MGST1: variants seen among roughly 807,000 people sequenced by gnomAD.
MGST1 encodes the protein glutathione S-transferase 12.
MGST1 carries 5 observed loss-of-function variants against 8.9 expected under a neutral mutation model. That is an observed-to-expected ratio of 0.56 (90% CI 0.29 to 1.19). MGST1 has a LOEUF of 1.19. MGST1 is among the 50% of genes most tolerant of loss of function. The probability of loss-of-function intolerance (pLI) is 0.08; values close to 1 mark genes in which losing one functional copy is unlikely to be tolerated. For synonymous variants in MGST1, 54 were observed against 67.8 expected, an observed-to-expected ratio of 0.80 and a Z score of 1.00; for missense variants, 182 against 187.4, an observed-to-expected ratio of 0.97 and a Z score of 0.17.
At chr12:16,494,710 G>T (rs1305008325) in intron 4 of MGST1, among the ~76,000 whole-genome samples, 1 of 152,096 alleles carries the variant, frequency 6.6e-6, no homozygotes, top group Non-Finnish European at 1.5e-5. Flanking sequence ...TTGCAGAGAG[G>T]CTTCTTTTCC....
rs1465473083 is a variant in MGST1 at position 16,560,551 on chromosome 12, A to AC, written n.483-28976dup. ...TACACCAAAGAGCCTAGAATAAGAA[A>AC]CATTTTTTTTTTTTTACAAACTCTT... On this transcript the variant is annotated intron_variant and non_coding_transcript_variant, in intron 4 of 4. Transcript: ENST00000538857. This position sits in a 1 kb window ranked among gnomAD's most constrained non-coding sequence, Gnocchi z 5.0. The AC allele has an allele frequency of 6.4e-7, 1 of 1,571,910 alleles. No individual in the cohort carries two copies. The highest frequency in any genetic ancestry group is 1.9e-5 in the Admixed American group (1 of 53,522).
chr12:16,553,890 A>G (rs1233456987), intron 4 of MGST1, among the ~76,000 whole-genome samples: 3 of 151,926 alleles, frequency 2.0e-5, no homozygotes, highest in Non-Finnish European at 2.9e-5. Flanking sequence ...AAGCATTATG[A>G]AAGGAGTGAT....
chr12:16,424,134 CA>C (rs1306172792), intron 1 of MGST1, among the ~76,000 whole-genome samples: 1 of 152,146 alleles, frequency 6.6e-6, no homozygotes, highest in Non-Finnish European at 1.5e-5. Context: ...TCTGCAGGAC[CA>C]AGAACAATTG....
At chr12:16,472,731 A>G (rs1201466820) in intron 4 of MGST1, among the ~76,000 whole-genome samples, 1 of 152,214 alleles carries the variant, frequency 6.6e-6, no homozygotes, top group Admixed American at 6.5e-5. Flanking sequence ...AAATTGGGAT[A>G]CTTAGGTAGT....
chr12:16,546,071 G>T lies in MGST1; in HGVS notation n.483-43457G>T, dbSNP rs1268824815. ...TTTTAATAGTACCTGTGTCACAGGG[G>T]TGTTGTGGGAATTACATGCGTGTGC... is the stretch of plus-strand genomic sequence containing the variant. On this transcript the variant is annotated intron_variant and non_coding_transcript_variant, in intron 4 of 4. Coordinates refer to the MGST1 transcript ENST00000538857. This position sits in a 1 kb window ranked among gnomAD's most constrained non-coding sequence, Gnocchi z 4.7. 3.9e-5 allele frequency among the ~76,000 whole-genome samples: 6 copies of T among 152,044 alleles called. No individual in the cohort carries two copies. The highest frequency in any genetic ancestry group is 1.9e-4 in the East Asian group (1 of 5,184).
At chr12:16,485,362 G>T (rs1941393362) in intron 4 of MGST1, among the ~76,000 whole-genome samples, 1 of 152,068 alleles carries the variant, frequency 6.6e-6, no homozygotes, top group African/African-American at 2.4e-5. Flanking sequence ...AAATTACATA[G>T]GATTTAAAAT....
At chr12:16,388,866 C>G (rs1591714778) in intron 1 of MGST1, among the ~76,000 whole-genome samples, 1 of 152,330 alleles carries the variant, frequency 6.6e-6, no homozygotes, top group Middle Eastern at 3.4e-3. Context: ...GAGCTGTACT[C>G]TGTCCTTCCA....
chr12:16,484,801 G>A (rs1431169014), intron 4 of MGST1, among the ~76,000 whole-genome samples: 1 of 152,182 alleles, frequency 6.6e-6, no homozygotes, highest in Non-Finnish European at 1.5e-5. Context: ...AATGTGACAT[G>A]AGATTTGATC....
chr12:16,401,335 A>G lies in MGST1; in HGVS notation n.778+17731A>G, dbSNP rs2137062937. The G allele has an allele frequency of 7.4e-7, 1 of 1,343,512 alleles. No homozygotes were observed. The highest frequency in any genetic ancestry group is 1.4e-5 in the African/African-American group (1 of 69,500). 83.2% of individuals were successfully genotyped at this position (1,343,512 alleles called of 1,614,324 possible). On this transcript the variant is annotated intron_variant and non_coding_transcript_variant, in intron 1 of 1. Coordinates refer to the MGST1 transcript ENST00000359720. The surrounding 1 kb of genome is among the most constrained non-coding windows in gnomAD (Gnocchi z 4.3). ...CAGTTTGTATTGATTTTTACTATTG[A>G]TTACTAGGAAGCTTTCATGGAATTC...
intron 4 of MGST1, among the ~76,000 whole-genome samples, chr12:16,579,116 T>G (rs1943083630): frequency 1.3e-5 from 2 of 152,144 alleles, no homozygotes; most frequent in East Asian, 1.9e-4. Flanking sequence ...GGTCATAAAC[T>G]TCCACAGGGA....
intron 4 of MGST1, among the ~76,000 whole-genome samples, chr12:16,556,243 CT>C (rs769206543): frequency 4.2e-4 from 64 of 152,172 alleles, no homozygotes; most frequent in Middle Eastern, 3.4e-3. Context: ...GCTTATTCAC[CT>C]TTAAGAAATT....
At chr12:16,392,255 G>T (rs2417568) in intron 1 of MGST1, among the ~76,000 whole-genome samples, 3 of 151,842 alleles carry the variant, frequency 2.0e-5, no homozygotes, top group South Asian at 2.1e-4. Flanking sequence ...TTTGCATTGC[G>T]TCTTCTTTGA....
In MGST1 at chr12:16,361,224, A is replaced by C. The variant is rs1270019677; in HGVS notation, c.222-2571A>C. 6.6e-6 allele frequency among the ~76,000 whole-genome samples: 1 copy of C among 152,180 alleles called. No individual in the cohort carries two copies. Among genetic ancestry groups the C allele is most frequent in the Non-Finnish European group, 1.5e-5 (1 of 68,034 alleles). ...TGGCTGAGATGAGGGCGTCAGGAAAAGCCTGCTGTGCAGCTCCTTTTGTAG... is the reference window on the plus strand; with the variant it reads ...TGGCTGAGATGAGGGCGTCAGGAAACGCCTGCTGTGCAGCTCCTTTTGTAG... On this transcript the variant is annotated intron_variant, in intron 3 of 3. Transcript: ENST00000396210. This position sits in a 1 kb window ranked among gnomAD's most constrained non-coding sequence, Gnocchi z 4.2.
chr12:16,377,567 T>A (rs960287958), downstream of MGST1, among the ~76,000 whole-genome samples: 1 of 152,140 alleles, frequency 6.6e-6, no homozygotes, highest in African/African-American at 2.4e-5. Context: ...TTAGGTTGGT[T>A]CCAAGTCTTT....
At chr12:16,406,174 C>T (rs112840620) in intron 1 of MGST1, among the ~76,000 whole-genome samples, 15 of 152,190 alleles carry the variant, frequency 9.9e-5, no homozygotes, top group African/African-American at 3.6e-4. Flanking sequence ...CCCACAGTCT[C>T]AGCCCAAAAG....
rs535329525 is a variant in MGST1 at position 16,585,312 on chromosome 12, A to G, written n.483-4216A>G. 9.8e-5 allele frequency among the ~76,000 whole-genome samples: 15 copies of G among 152,306 alleles called. No homozygotes were observed. Among genetic ancestry groups the G allele is most frequent in the African/African-American group, 3.6e-4 (15 of 41,554 alleles). ...ACAAGTTATTGATTACTGCTTCAAGAAAAAGGATTTGCATATTTGTGTATA... is the reference window on the plus strand; with the variant it reads ...ACAAGTTATTGATTACTGCTTCAAGGAAAAGGATTTGCATATTTGTGTATA... On this transcript the variant is annotated intron_variant and non_coding_transcript_variant, in intron 4 of 4. Transcript: ENST00000538857. The surrounding 1 kb of genome is among the most constrained non-coding windows in gnomAD (Gnocchi z 4.7).
rs1312177387 is a variant in MGST1, at chr12:16,354,278, A to C, written c.26A>C (p.Asp9Ala). 5 of 1,605,504 alleles carry C rather than the reference A, an allele frequency of 3.1e-6. No individual in the cohort carries two copies. Among genetic ancestry groups the C allele is most frequent in the Admixed American group, 3.4e-5 (2 of 58,348 alleles). ...ATGGTTGACCTCACCCAGGTAATGG[A>C]TGATGAAGTATTCATGGCTTTTGCA... is the stretch of plus-strand genomic sequence containing the variant. MVDLTQVM[D>A]DEVFMAFASY... is the part of the protein sequence containing the mutation. The change falls in exon 2 of 4, where the codon GAT (aspartate) becomes GCT (alanine). Residue 9 changes from aspartate (D) to alanine (A), a missense_variant. By Grantham distance (126) the Asp-to-Ala change is moderately radical. Coordinates refer to ENST00000396210, the MANE Select transcript of MGST1 (RefSeq NM_020300.5).
rs146925122 is a variant in MGST1, at chr12:16,472,238, C to CT, written n.482+88640dup. ...CCCATAAAAAGTACTTATAAAACAACTTTTTTCTTGTCTCCTTCACAACCA... is the reference window on the plus strand; with the variant it reads ...CCCATAAAAAGTACTTATAAAACAACTTTTTTTCTTGTCTCCTTCACAACCA... On this transcript the variant is annotated intron_variant and non_coding_transcript_variant, in intron 4 of 4. Transcript: ENST00000538857. Among the ~76,000 whole-genome samples, 1,401 of 152,198 alleles carry CT rather than the reference C, an allele frequency of 9.2e-3. 78 individuals carry two copies. In the East Asian group the frequency reaches 0.17, roughly 19 times the overall value.
chr12:16,447,485 G>C (rs1941089562), intron 4 of MGST1, among the ~76,000 whole-genome samples: 1 of 151,896 alleles, frequency 6.6e-6, no homozygotes, highest in Admixed American at 6.6e-5. Context: ...AAGGGTAGCT[G>C]TGAAAAAGGA....
Sources: allele counts gnomAD v4.1 joint callset (sites outside exome capture counted in the v4.1 genomes callset), GRCh38; gene constraint gnomAD v4.1.1; non-coding constraint Gnocchi (gnomAD v3.1); transcripts MANE v1.5; gene names NCBI Gene and HGNC (gene_info 2026-07-23, HGNC 2026-07-21).